NDRG1: variants seen among roughly 807,000 people sequenced by gnomAD.
NDRG1 encodes N-myc downstream regulated 1.
Under a neutral mutation model 56.9 loss-of-function variants are expected in NDRG1, and 32 were observed. That is an observed-to-expected ratio of 0.56 (90% CI 0.42 to 0.76). The LOEUF (loss-of-function observed/expected upper bound fraction) is 0.76. Among genes scored for constraint, NDRG1 ranks in the 30% least tolerant of loss-of-function variants. NDRG1 has a pLI of 0.00. For synonymous variants in NDRG1, 211 were observed against 204.1 expected (o/e 1.03, Z -0.29); for missense variants, 507 against 545.7 (o/e 0.93, Z 0.71).
At chr8:133,278,339 G>A (rs1425376789) in intron 3 of NDRG1, among the ~76,000 whole-genome samples, 5 of 152,076 alleles carry the variant, frequency 3.3e-5, no homozygotes, top group Admixed American at 2.0e-4. Context: ...GCCCCACCAT[G>A]CCACCCTCAA....
intron 1 of NDRG1, chr8:133,284,769 T>C (rs769263146): frequency 2.2e-6 from 1 of 458,104 alleles, no homozygotes. Flanking sequence ...CGTATAGGCA[T>C]AGTGCAAGCT....
At chr8:133,254,288 A>G (rs890222687) in intron 9 of NDRG1, among the ~76,000 whole-genome samples, 1 of 152,236 alleles carries the variant, frequency 6.6e-6, no homozygotes, top group Non-Finnish European at 1.5e-5. Context: ...ATGCATGTCA[A>G]TTGTACACTT....
chr8:133,244,655 C>T (rs1034145526), intron 13 of NDRG1: 2 of 581,226 alleles, frequency 3.4e-6, no homozygotes, highest in Admixed American at 2.9e-5. Flanking sequence ...CACTCCATTC[C>T]CCAAGAACCA....
chr8:133,260,833 C>T (rs544056831), intron 5 of NDRG1, among the ~76,000 whole-genome samples: 6 of 152,132 alleles, frequency 3.9e-5, no homozygotes, highest in Non-Finnish European at 8.8e-5. Flanking sequence ...AGCCCAAGAA[C>T]CTGCTCCTGC....
Position 133,249,858 on chromosome 8 carries a change from C to T in NDRG1, c.698+582G>A, listed in dbSNP as rs1428782868. 2.6e-5 allele frequency among the ~76,000 whole-genome samples: 4 copies of T among 152,356 alleles called. No homozygotes were observed. The East Asian group carries it at 5.8e-4, about 22-fold the overall frequency. On this transcript the variant is annotated intron_variant, in intron 10 of 15. Transcript: ENST00000323851. ...TCATTTCTATCTCCTGTTCTGCGAG[C>T]GTGGCAGAGCGAGCTCAGCAGGTTG... is the stretch of plus-strand genomic sequence containing the variant.
At chr8:133,288,081 ACACT>A (rs1228866334) in intron 1 of NDRG1, among the ~76,000 whole-genome samples, 1 of 152,138 alleles carries the variant, frequency 6.6e-6, no homozygotes, top group East Asian at 1.9e-4. Flanking sequence ...TCTCACAAAC[ACACT>A]CATTCTCACA....
At chr8:133,294,671 T>G (rs1010102193) in intron 1 of NDRG1, among the ~76,000 whole-genome samples, 3 of 143,938 alleles carry the variant, frequency 2.1e-5, no homozygotes, top group African/African-American at 5.2e-5. Context: ...TCTTCTGTCA[T>G]GGGGGGGGGG....
At chr8:133,296,729 A>T (rs1858795693) in intron 1 of NDRG1, 8 of 272,934 alleles carry the variant, frequency 2.9e-5, no homozygotes, top group Admixed American at 4.3e-5. Context: ...ACACACACAC[A>T]CACTCACCTA....
intron 3 of NDRG1, among the ~76,000 whole-genome samples, chr8:133,267,940 C>T (rs929509079): frequency 2.0e-5 from 3 of 152,120 alleles, no homozygotes; most frequent in Non-Finnish European, 2.9e-5. Flanking sequence ...GTATGGGACA[C>T]GCCACCCCAG....
chr8:133,279,796 A>G (rs1229021176), intron 3 of NDRG1, among the ~76,000 whole-genome samples: 1 of 152,180 alleles, frequency 6.6e-6, no homozygotes, highest in East Asian at 1.9e-4. Flanking sequence ...CCACCCTGCA[A>G]TCCTGAGTGG....
rs1238413916 is a variant in NDRG1, at chr8:133,238,792, T to C, written c.*86A>G. ...TGGATTAATACCGAGTTAGGCGCAG[T>C]ATGGCAGGCAGGGGGCGAAAAGGGG... is the stretch of plus-strand genomic sequence containing the variant. On this transcript the variant is annotated 3_prime_UTR_variant, in exon 16 of 16. Transcript: ENST00000323851. 3 of 1,422,186 alleles carry C rather than the reference T, an allele frequency of 2.1e-6. No homozygotes were observed. The African/African-American group carries it at 4.3e-5, about 20-fold the overall frequency. 88.1% of individuals were successfully genotyped at this position (1,422,186 alleles called of 1,614,324 possible).
chr8:133,271,291 CA>C (rs1361998924), intron 3 of NDRG1, among the ~76,000 whole-genome samples: 3 of 152,160 alleles, frequency 2.0e-5, no homozygotes, highest in Non-Finnish European at 4.4e-5. Context: ...CCCTCTGGAA[CA>C]GCTGTCCAGG....
At chr8:133,261,172 C>G (rs1856643491) in intron 5 of NDRG1, among the ~76,000 whole-genome samples, 1 of 152,102 alleles carries the variant, frequency 6.6e-6, no homozygotes, top group South Asian at 2.1e-4. Flanking sequence ...GTGGTGCGAT[C>G]TTGGCTCACT....
At position 133,238,750 on chromosome 8, in the gene NDRG1, T is replaced by C. The variant is rs1855201187; in HGVS notation, c.*128A>G. 3 of 1,178,120 alleles carry C rather than the reference T, an allele frequency of 2.5e-6. No individual in the cohort carries two copies. The highest frequency in any genetic ancestry group is 5.1e-5 in the East Asian group (2 of 38,850). The allele number at this position is 1,178,120 out of a possible 1,614,324, so 73.0% of individuals were successfully genotyped here. ...CTCATTTGTCTCCACCAGAGCTCACTCTTACAAAATAAGCTTTGGATTAAT... is the reference window on the plus strand; with the variant it reads ...CTCATTTGTCTCCACCAGAGCTCACCCTTACAAAATAAGCTTTGGATTAAT... On this transcript the variant is annotated 3_prime_UTR_variant, in exon 16 of 16. Coordinates refer to ENST00000323851, the MANE Select transcript of NDRG1 (RefSeq NM_006096.4).
chr8:133,256,890 A>C, intron 7 of NDRG1, 27 bp from the exon 8 acceptor site: 1 of 1,601,734 alleles, frequency 6.2e-7, no homozygotes, highest in Non-Finnish European at 8.6e-7. Context: ...AAAGTGAGAC[A>C]GACATCCCAG....
chr8:133,273,213 G>A lies in NDRG1; in HGVS notation c.99+7019C>T, dbSNP rs550686653. Among the ~76,000 whole-genome samples, 6 of 152,130 alleles carry A rather than the reference G, an allele frequency of 3.9e-5. No homozygotes were observed. The East Asian group carries it at 1.2e-3, about 30-fold the overall frequency. On this transcript the variant is annotated intron_variant, in intron 3 of 15. Transcript: ENST00000323851. ...GAAACCAAATCAAATCTAACCATCT[G>A]AATAACTCAAGATCCAGGTGGAGGG...
At chr8:133,245,269 C>T (rs1031826466) in intron 13 of NDRG1, among the ~76,000 whole-genome samples, 21 of 152,102 alleles carry the variant, frequency 1.4e-4, no homozygotes, top group African/African-American at 5.1e-4. Flanking sequence ...ACCATCAAAT[C>T]GGCCACCCCA....
At chr8:133,239,169 G>C in intron 15 of NDRG1, 50 bp from the exon 16 acceptor site, 2 of 1,548,536 alleles carry the variant, frequency 1.3e-6, no homozygotes, top group Non-Finnish European at 1.7e-6. Flanking sequence ...TGCCAGGTGA[G>C]GAGCCAGGCA....
chr8:133,286,778 C>T (rs1053339965), intron 1 of NDRG1, among the ~76,000 whole-genome samples: 2 of 152,186 alleles, frequency 1.3e-5, no homozygotes, highest in Non-Finnish European at 2.9e-5. Context: ...CCAAATGATT[C>T]CATTGATTTT....
Sources: allele counts gnomAD v4.1 joint callset (sites outside exome capture counted in the v4.1 genomes callset), GRCh38; gene constraint gnomAD v4.1.1; transcripts MANE v1.5; gene names NCBI Gene and HGNC (gene_info 2026-07-23, HGNC 2026-07-21).